The following TAF1D variants were observed in gnomAD, a reference collection of about 807,000 sequenced individuals.
TAF1D encodes TATA box-binding protein-associated factor RNA polymerase I subunit D.
Under a neutral mutation model 26.2 loss-of-function variants are expected in TAF1D, and 23 were observed. The ratio of observed to expected loss-of-function variants is 0.88; its 90% CI spans 0.63 to 1.25. The LOEUF is 1.25. Ranked by LOEUF, TAF1D falls within the 50% of genes most tolerant of loss-of-function variation. The pLI is 0.00. For synonymous variants in TAF1D, 100 were observed against 105.6 expected (o/e 0.95, Z 0.33); for missense variants, 299 against 322.0 (o/e 0.93, Z 0.55).
At chr11:93,739,170 C>T (rs1290141963) in intron 2 of TAF1D, 67 bp downstream of exon 2, 1 of 1,260,658 alleles carries the variant, frequency 7.9e-7, no homozygotes, top group East Asian at 2.4e-5. Context: ...ATTATCTTTA[C>T]TGTCACTCAT....
intron 4 of TAF1D, 104 bp from the exon 5 acceptor site, chr11:93,736,855 G>C (rs1054157932): frequency 7.5e-7 from 1 of 1,334,956 alleles, no homozygotes; most frequent in Middle Eastern, 2.1e-4. Context: ...CTAGTCAAAG[G>C]AAACACAAAA....
At chr11:93,735,512 AAAAC>A, downstream of TAF1D, 1 of 437,900 alleles carries the variant, frequency 2.3e-6, no homozygotes, top group Non-Finnish European at 3.1e-6. Context: ...CTCTACTAAA[AAAAC>A]AAAAACTAGC....
At position 93,741,455 on chromosome 11, in the gene TAF1D, C is replaced by G. The variant is rs867197417; in HGVS notation, c.-161G>C. On this transcript the variant is annotated 5_prime_UTR_variant, in exon 1 of 6. Transcript: ENST00000448108. The stretch of plus-strand genomic sequence containing the variant: ...CTCCCGACCTCAGCCCTCCAACTCC[C>G]GATAACCAGCCGACCTCCTCCAACC... 1.6e-4 allele frequency: 75 copies of G among 456,236 alleles called. No homozygotes were observed. In the Middle Eastern group the frequency reaches 4.2e-3, roughly 26 times the overall value. 28.3% of individuals were successfully genotyped at this position (456,236 alleles called of 1,614,324 possible). A position where few individuals can be genotyped will look rare whatever the true frequency, so the allele number is the denominator to read the frequency against.
At chr11:93,738,982 A>G (rs1941289338) in intron 2 of TAF1D, 1 of 495,866 alleles carries the variant, frequency 2.0e-6, no homozygotes. Flanking sequence ...CGGAGGATGT[A>G]GTCTGGAAGA....
intron 1 of TAF1D, among the ~76,000 whole-genome samples, chr11:93,739,961 C>CAAAAGAAA (rs1565245698): frequency 1.7e-4 from 14 of 82,208 alleles, no homozygotes; most frequent in East Asian, 6.6e-4. Context: ...TACAACATAC[C>CAAAAGAAA]AAAAAAAAAA....
At chr11:93,739,961 C>CAAAAA (rs67574108) in intron 1 of TAF1D, among the ~76,000 whole-genome samples, 17 of 82,358 alleles carry the variant, frequency 2.1e-4, no homozygotes, top group African/African-American at 5.3e-4. Context: ...TACAACATAC[C>CAAAAA]AAAAAAAAAA....
intron 1 of TAF1D, among the ~76,000 whole-genome samples, chr11:93,740,968 G>A (rs1267132247): frequency 6.6e-6 from 1 of 152,242 alleles, no homozygotes; most frequent in East Asian, 1.9e-4. Flanking sequence ...GTGACCACCA[G>A]CGCCTCTCAC....
downstream of TAF1D, chr11:93,731,183 A>T (rs373181856): frequency 4.4e-6 from 2 of 455,096 alleles, no homozygotes; most frequent in African/African-American, 4.1e-5. Flanking sequence ...TCTCGTTTTA[A>T]TATGGATATA....
At chr11:93,733,045 CTT>C (rs1161576583), downstream of TAF1D, 1 of 333,124 alleles carries the variant, frequency 3.0e-6, no homozygotes. Flanking sequence ...TATTTTTCAT[CTT>C]TTGAGTCCTT....
At chr11:93,732,320 T>C (rs1334440534), downstream of TAF1D, 1 of 515,284 alleles carries the variant, frequency 1.9e-6, no homozygotes, top group Non-Finnish European at 3.9e-6. Context: ...CTTACTATTT[T>C]AGAGTATATC....
chr11:93,735,337 AAT>A, downstream of TAF1D: 1 of 1,163,806 alleles, frequency 8.6e-7, no homozygotes, highest in Non-Finnish European at 1.1e-6. Flanking sequence ...ATACATGTTG[AAT>A]AAATGTGTAT....
downstream of TAF1D, chr11:93,731,873 A>G (rs1197010467): frequency 2.7e-6 from 1 of 370,688 alleles, no homozygotes; most frequent in Non-Finnish European, 5.3e-6. Flanking sequence ...ATACCACATT[A>G]CAATGTTTCA....
chr11:93,739,231 A>G lies in TAF1D; in HGVS notation c.68+6T>C. 2 of 1,603,902 alleles carry G rather than the reference A, an allele frequency of 1.2e-6. No homozygotes were observed. Among genetic ancestry groups the G allele is most frequent in the African/African-American group, 1.3e-5 (1 of 74,820 alleles). On this transcript the variant is annotated splice_donor_region_variant and intron_variant, in intron 2 of 5. Transcript: ENST00000448108. ...AGATACAATAAACATGATTGAATCC[A>G]CTCACCTTCGATTTGCAAGTTCCAC...
In TAF1D at chr11:93,737,111, G is replaced by GTC; in HGVS notation, c.587_588insGA (p.Tyr196Ter). Reference sequence around the variant, plus strand: ...TGGATCCATCATCATCCAAAAATTTGTATCTACGACTGTCAAAATCTTCAT... The same window carrying GTC: ...TGGATCCATCATCATCCAAAAATTTGTCTATCTACGACTGTCAAAATCTTCAT... ...LENEDFDSRR[Y>*]KFLDDDGSIS... is the part of the protein sequence containing the mutation. Residue 196 changes from tyrosine to a stop codon, truncating the protein, a stop_gained and frameshift_variant, in exon 4 of 6, where the codon TAC (tyrosine) becomes TAGAC (stop). Transcript: ENST00000448108. LOFTEE classifies it high-confidence loss of function. The GTC allele has an allele frequency of 6.2e-7, 1 of 1,608,816 alleles. No homozygotes were observed. Among genetic ancestry groups the GTC allele is most frequent in the Non-Finnish European group, 8.5e-7 (1 of 1,177,990 alleles).
downstream of TAF1D, chr11:93,730,666 T>G (rs1408120023): frequency 1.9e-6 from 1 of 527,256 alleles, no homozygotes; most frequent in East Asian, 5.2e-5. Context: ...TCTTTTCTAA[T>G]GCATACATAC....
At position 93,735,641 on chromosome 11, in the gene TAF1D, C is replaced by A. The variant is rs1461191543; in HGVS notation, c.*520G>T. ...CAAGACTGCGGCCATTGCACTACAG[C>A]CTGGGTGACAGATCGAGACTCTGTC... On this transcript the variant is annotated 3_prime_UTR_variant, in exon 6 of 6. Coordinates refer to ENST00000448108, the MANE Select transcript of TAF1D (RefSeq NM_024116.4). 82 of 978,018 alleles carry A rather than the reference C, an allele frequency of 8.4e-5. No individual in the cohort carries two copies. Among genetic ancestry groups the A allele is most frequent in the Non-Finnish European group, 9.5e-5 (78 of 819,288 alleles). The allele number at this position is 978,018 out of a possible 1,614,324, so 60.6% of individuals were successfully genotyped here. A position where few individuals can be genotyped will look rare whatever the true frequency, so the allele number is the denominator to read the frequency against.
chr11:93,737,338 T>A (rs1941008891), intron 3 of TAF1D, 99 bp from the exon 4 acceptor site: 3 of 752,532 alleles, frequency 4.0e-6, no homozygotes, highest in African/African-American at 1.8e-5. Context: ...TAGCAAAGAC[T>A]CTGAATTTGC....
intron 1 of TAF1D, among the ~76,000 whole-genome samples, chr11:93,739,961 C>CAAAA (rs67574108): frequency 3.5e-4 from 29 of 82,348 alleles, no homozygotes; most frequent in South Asian, 2.2e-3. Context: ...TACAACATAC[C>CAAAA]AAAAAAAAAA....
chr11:93,736,385 T>TTACTTCAGATA, intron 5 of TAF1D, 81 bp from the exon 6 acceptor site: 2 of 1,471,120 alleles, frequency 1.4e-6, no homozygotes, highest in East Asian at 4.9e-5. Context: ...ATGCCCTGGA[T>TTACTTCAGATA]TACTTCAGAT....
Sources: allele counts gnomAD v4.1 joint callset (sites outside exome capture counted in the v4.1 genomes callset), GRCh38; gene constraint gnomAD v4.1.1; transcripts MANE v1.5; gene names NCBI Gene and HGNC (gene_info 2026-07-23, HGNC 2026-07-21).